Variants in MAP4K5 observed in about 807,000 individuals in gnomAD.
MAP4K5 encodes MAPK/ERK kinase kinase kinase 5.
A neutral mutation model predicts 135.6 loss-of-function variants in MAP4K5; 82 were observed. The observed-to-expected ratio is 0.60, with a 90% CI of 0.51 to 0.73. The LOEUF (loss-of-function observed/expected upper bound fraction) is 0.73, where lower values mean the gene tolerates loss of function less well. MAP4K5 is among the 30% of genes least tolerant of loss of function. The pLI, the probability that MAP4K5 is intolerant of heterozygous loss-of-function variation, is 0.00. For missense variants in MAP4K5, 907 were observed against 1,010.9 expected (o/e 0.90, Z 1.39); for synonymous variants, 347 against 335.0 (o/e 1.04, Z -0.39).
At chr14:50,536,547 G>C (rs1047109673), upstream of MAP4K5, among the ~76,000 whole-genome samples, 30 of 152,118 alleles carry the variant, frequency 2.0e-4, no homozygotes, top group Non-Finnish European at 4.4e-4. Context: ...GGTTGGAAGA[G>C]TTTGGAGAGC....
At chr14:50,487,637 T>C (rs2139939741) in intron 3 of MAP4K5, among the ~76,000 whole-genome samples, 1 of 152,308 alleles carries the variant, frequency 6.6e-6, no homozygotes, top group South Asian at 2.1e-4. Context: ...AAAATGTGCT[T>C]CTTAATGGTT....
chr14:50,522,248 A>G lies in MAP4K5; in HGVS notation c.108+9694T>C, dbSNP rs560509090. Among the ~76,000 whole-genome samples the G allele has an allele frequency of 6.6e-5, 10 of 152,094 alleles. No homozygotes were observed. In the South Asian group the frequency reaches 2.1e-3, roughly 32 times the overall value. ...AGGTTGCAGCTGTATCCACAAGTCA[A>G]TCTGGGGACTACACTAGTGATGCAT... On this transcript the variant is annotated intron_variant, in intron 2 of 32. Transcript: ENST00000682126.
At chr14:50,482,886 T>C (rs2037280206) in intron 5 of MAP4K5, 1 of 152,806 alleles carries the variant, frequency 6.5e-6, no homozygotes, top group Non-Finnish European at 1.5e-5. Context: ...ATATATTATT[T>C]CTGTCAACAA....
At chr14:50,474,054 C>G (rs1369493944) in intron 9 of MAP4K5, among the ~76,000 whole-genome samples, 1 of 151,990 alleles carries the variant, frequency 6.6e-6, no homozygotes, top group Non-Finnish European at 1.5e-5. Flanking sequence ...GTATGAGGTA[C>G]GGAGCTACTT....
chr14:50,449,055 G>C (rs1324241012), intron 14 of MAP4K5: 1 of 450,608 alleles, frequency 2.2e-6, no homozygotes, highest in Non-Finnish European at 3.9e-6. Flanking sequence ...TTCTTGTTTG[G>C]AATCAGGAAA....
chr14:50,477,753 T>C (rs2037135509), intron 6 of MAP4K5, among the ~76,000 whole-genome samples: 1 of 152,186 alleles, frequency 6.6e-6, no homozygotes, highest in Non-Finnish European at 1.5e-5. Context: ...CTTTTTTAGT[T>C]GTTAAGATGA....
intron 22 of MAP4K5, 50 bp downstream of exon 22, chr14:50,440,312 C>G: frequency 1.6e-6 from 2 of 1,217,224 alleles, no homozygotes; most frequent in Non-Finnish European, 2.4e-6. Context: ...TAAGACACTT[C>G]TTTATTCAAT....
chr14:50,480,721 C>T (rs2037220377), intron 6 of MAP4K5, among the ~76,000 whole-genome samples: 1 of 152,106 alleles, frequency 6.6e-6, no homozygotes, highest in African/African-American at 2.4e-5. Context: ...GCAAGTATCA[C>T]AGAGGGTACT....
upstream of MAP4K5, among the ~76,000 whole-genome samples, chr14:50,534,776 A>G (rs2038472135): frequency 6.6e-6 from 1 of 152,246 alleles, no homozygotes; most frequent in South Asian, 2.1e-4. Context: ...TTTTATACTA[A>G]CTCCAAAAGA....
intron 6 of MAP4K5, among the ~76,000 whole-genome samples, chr14:50,481,411 G>A (rs1026178863): frequency 1.3e-5 from 2 of 151,748 alleles, no homozygotes; most frequent in Non-Finnish European, 1.5e-5. Context: ...AAATTGACTA[G>A]AACTTTTTCC....
chr14:50,468,857 C>A, intron 9 of MAP4K5, 75 bp from the exon 10 acceptor site: 1 of 1,397,402 alleles, frequency 7.2e-7, no homozygotes, highest in Non-Finnish European at 9.9e-7. Context: ...GTTATAATCA[C>A]CAGACTTGTT....
intron 3 of MAP4K5, among the ~76,000 whole-genome samples, chr14:50,492,566 T>C (rs1227034240): frequency 1.4e-5 from 2 of 142,432 alleles, no homozygotes; most frequent in Non-Finnish European, 3.0e-5. Flanking sequence ...CACTCCAGCC[T>C]GGGTAACACA....
intron 31 of MAP4K5, among the ~76,000 whole-genome samples, chr14:50,424,022 T>C (rs1046683411): frequency 4.6e-5 from 7 of 152,172 alleles, no homozygotes; most frequent in African/African-American, 1.7e-4. Flanking sequence ...CTTTATTGGC[T>C]TTTTGCCCCT....
In MAP4K5 at chr14:50,493,566, T is replaced by TATATTAGAACAAATATATG. The variant is rs1274115770; in HGVS notation, c.167-7373_167-7372insCATATATTTGTTCTAATAT. ...TATGTATAGAAAATCCTAAAGTCCA[T>TATATTAGAACAAATATATG]TAAAAAAATCTATTAGAACAAATAA... On this transcript the variant is annotated intron_variant, in intron 3 of 32. Coordinates refer to ENST00000682126, the MANE Select transcript of MAP4K5 (RefSeq NM_006575.6). Among the ~76,000 whole-genome samples, 6 of 152,128 alleles carry TATATTAGAACAAATATATG rather than the reference T, an allele frequency of 3.9e-5. No homozygotes were observed. The South Asian group carries it at 1.2e-3, about 32-fold the overall frequency.
chr14:50,511,159 G>T (rs2140046842), intron 2 of MAP4K5, among the ~76,000 whole-genome samples: 1 of 152,134 alleles, frequency 6.6e-6, no homozygotes, highest in Non-Finnish European at 1.5e-5. Context: ...AATGAACCTG[G>T]GTGTCCAACA....
intron 3 of MAP4K5, among the ~76,000 whole-genome samples, chr14:50,496,815 A>AAAGAAT (rs1566678927): frequency 6.6e-6 from 1 of 151,598 alleles, no homozygotes; most frequent in African/African-American, 2.4e-5. Context: ...TCCCAGACCA[A>AAAGAAT]AAAAATAAAA....
intron 9 of MAP4K5, among the ~76,000 whole-genome samples, chr14:50,471,386 T>C (rs1446114922): frequency 6.6e-6 from 1 of 152,174 alleles, no homozygotes; most frequent in African/African-American, 2.4e-5. Context: ...AGGGGTTGCA[T>C]GCCCCTAGCC....
chr14:50,495,852 A>C (rs2037580248), intron 3 of MAP4K5, among the ~76,000 whole-genome samples: 1 of 152,234 alleles, frequency 6.6e-6, no homozygotes, highest in Non-Finnish European at 1.5e-5. Flanking sequence ...AAGTATCTAA[A>C]GGAGCCAAAT....
intron 32 of MAP4K5, among the ~76,000 whole-genome samples, chr14:50,420,957 T>C (rs987082156): frequency 2.0e-5 from 3 of 150,610 alleles, no homozygotes; most frequent in African/African-American, 7.3e-5. Flanking sequence ...AAATAAAAAA[T>C]AATATACCCA....
Sources: allele counts gnomAD v4.1 joint callset (sites outside exome capture counted in the v4.1 genomes callset), GRCh38; gene constraint gnomAD v4.1.1; transcripts MANE v1.5; gene names NCBI Gene and HGNC (gene_info 2026-07-23, HGNC 2026-07-21).